Variants in ZNF557 observed in about 807,000 individuals in gnomAD.
ZNF557 encodes CTB-25J19.9.
In ZNF557, 19 loss-of-function variants were observed where a neutral mutation model predicts 21.2. The observed-to-expected ratio is 0.90, with a 90% CI of 0.63 to 1.32. The LOEUF (loss-of-function observed/expected upper bound fraction) is 1.32, where lower values mean the gene tolerates loss of function less well. ZNF557 is among the 40% of genes most tolerant of loss of function. ZNF557 has a pLI of 0.00. For synonymous variants in ZNF557, 207 were observed against 194.8 expected (o/e 1.06, Z -0.52); for missense variants, 487 against 519.8 (o/e 0.94, Z 0.61).
At chr19:7,072,214 A>G (rs1177302334) in intron 2 of ZNF557, among the ~76,000 whole-genome samples, 1 of 151,752 alleles carries the variant, frequency 6.6e-6, no homozygotes, top group East Asian at 1.9e-4. Context: ...GCCTGAGGTC[A>G]GGAGTTCGAG....
At position 7,083,827 on chromosome 19, in the gene ZNF557, CCTG is replaced by C. The variant is rs1361354367; in HGVS notation, c.*86_*88del. ...AAACTCTAACAAGATGTATGAATCA[CCTG>C]CTACTGTGTAACAAATTACCCCCCA... On this transcript the variant is annotated 3_prime_UTR_variant, in exon 8 of 8. Transcript: ENST00000252840. 14 of 1,484,216 alleles carry C rather than the reference CCTG, an allele frequency of 9.4e-6. No homozygotes were observed. The highest frequency in any genetic ancestry group is 1.3e-5 in the Non-Finnish European group (14 of 1,105,156). 91.9% of individuals were successfully genotyped at this position (1,484,216 alleles called of 1,614,324 possible).
chr19:7,082,642 C>T (rs1977736404), intron 7 of ZNF557, among the ~76,000 whole-genome samples: 2 of 152,038 alleles, frequency 1.3e-5, no homozygotes, highest in African/African-American at 4.8e-5. Flanking sequence ...AGAAATTAGC[C>T]TTAAATTTAT....
In ZNF557 at chr19:7,076,450, C is replaced by T; in HGVS notation, c.190C>T (p.Gln64Ter). The T allele has an allele frequency of 6.2e-7, 1 of 1,614,170 alleles. No homozygotes were observed. The highest frequency in any genetic ancestry group is 8.5e-7 in the Non-Finnish European group (1 of 1,180,034). Residue 64 changes from glutamine to a stop codon, truncating the protein, a stop_gained, in exon 5 of 8, where the codon CAA becomes TAA. Coordinates refer to ENST00000252840, the MANE Select transcript of ZNF557 (RefSeq NM_024341.3). LOFTEE classifies it high-confidence loss of function. ...QEEWALLDPA[Q>*]RTLYRDVMLE... ...GGAGTGGGCATTGCTGGACCCTGCC[C>T]AAAGGACACTGTACAGGGACGTGAT... is the stretch of plus-strand genomic sequence containing the variant.
At position 7,083,641 on chromosome 19, in the gene ZNF557, C is replaced by G. The variant is rs756463456; in HGVS notation, c.1190C>G (p.Thr397Ser). The G allele has an allele frequency of 2.5e-6, 4 of 1,613,972 alleles. No homozygotes were observed. The highest frequency in any genetic ancestry group is 3.4e-6 in the Non-Finnish European group (4 of 1,179,918). Residue 397 changes from threonine to serine, a missense_variant, in exon 8 of 8, where the codon ACT (threonine) becomes AGT (serine). Transcript: ENST00000252840. ...VLSSVKKHMR[T>S]HTGKKPYECN... The stretch of plus-strand genomic sequence containing the variant: ...TCATCCGTTAAGAAACACATGAGAA[C>G]TCACACTGGAAAAAAACCCTATGAA...
At chr19:7,081,607 C>T (rs1977707941) in intron 6 of ZNF557, 152 bp downstream of exon 6, 4 of 613,528 alleles carry the variant, frequency 6.5e-6, no homozygotes, top group Non-Finnish European at 8.6e-6. Flanking sequence ...GGTCTGAGCC[C>T]CCTCATGTAC....
Position 7,075,062 on chromosome 19 carries a change from T to G in ZNF557, c.-13T>G. 1 of 1,614,002 alleles carries G rather than the reference T, an allele frequency of 6.2e-7. No homozygotes were observed. ...CTGCTTCCCGGCTGCCCTGTTGCTGTCGGAGTCACAGGATGGCGGCTGTCG... is the reference window on the plus strand; with the variant it reads ...CTGCTTCCCGGCTGCCCTGTTGCTGGCGGAGTCACAGGATGGCGGCTGTCG... On this transcript the variant is annotated 5_prime_UTR_variant, in exon 3 of 8. Transcript: ENST00000252840.
At position 7,083,132 on chromosome 19, in the gene ZNF557, G is replaced by A. The variant is rs370543457; in HGVS notation, c.681G>A (p.Lys227=). The change falls in exon 8 of 8, where the codon AAG becomes AAA. Residue 227 remains lysine (K), a synonymous_variant. Transcript: ENST00000252840. ...GCAGATCTTACCTTACTGTTCATAA[G>A]AGAATCCACAATGGGGAGAAACCCT... is the stretch of plus-strand genomic sequence containing the variant. ...FSSRSYLTVH[K]RIHNGEKPYE... 5.7e-5 allele frequency: 92 copies of A among 1,614,186 alleles called. No individual in the cohort carries two copies. In the African/African-American group the frequency reaches 9.3e-4, roughly 16 times the overall value.
chr19:7,070,674 G>A (rs914972567), intron 2 of ZNF557, 21 bp downstream of exon 2: 1 of 152,064 alleles, frequency 6.6e-6, no homozygotes, highest in African/African-American at 2.4e-5. Context: ...TGTAGAACCT[G>A]CAAGTTGCAA....
At chr19:7,078,929 G>A (rs1041006139) in intron 5 of ZNF557, among the ~76,000 whole-genome samples, 1 of 151,894 alleles carries the variant, frequency 6.6e-6, no homozygotes, top group African/African-American at 2.4e-5. Context: ...TGTGTCTTCT[G>A]CCTGATCAAG....
intron 5 of ZNF557, among the ~76,000 whole-genome samples, chr19:7,081,150 GGTGTGTGT>G (rs531191945): frequency 0.19 from 26,170 of 138,718 alleles, 2,435 homozygotes; most frequent in Admixed American, 0.28. Flanking sequence ...TTGCTTGTGG[GGTGTGTGT>G]GTGTGTGTGT....
rs570359638 is a variant in ZNF557, at chr19:7,076,895, G to A, written c.247+388G>A. ...CCTGAGTAGCTGGGACCACAGGTGC[G>A]GACCACCACGCCCAGCTAATTTGTT... On this transcript the variant is annotated intron_variant, in intron 5 of 7. Transcript: ENST00000252840. Among the ~76,000 whole-genome samples, 11 of 151,154 alleles carry A rather than the reference G, an allele frequency of 7.3e-5. No individual in the cohort carries two copies. The South Asian group carries it at 1.3e-3, about 17-fold the overall frequency.
At chr19:7,077,429 C>G (rs1043862731) in intron 5 of ZNF557, among the ~76,000 whole-genome samples, 1 of 152,164 alleles carries the variant, frequency 6.6e-6, no homozygotes, top group African/African-American at 2.4e-5. Context: ...AGCCACCACG[C>G]CTGGCCGATG....
Position 7,086,034 on chromosome 19 carries a change from A to G in ZNF557, c.*2290A>G, listed in dbSNP as rs1977832916. On this transcript the variant is annotated 3_prime_UTR_variant, in exon 8 of 8. Transcript: ENST00000252840. ...CACCGGAGGTAAGGAGCTTGAGACC[A>G]GCCTGGCCAACATGGTGAAACCCCG... 6.6e-6 allele frequency: 1 copy of G among 151,786 alleles called. No homozygotes were observed. Among genetic ancestry groups the G allele is most frequent in the Non-Finnish European group, 1.5e-5 (1 of 67,860 alleles). 9.4% of individuals were successfully genotyped at this position (151,786 alleles called of 1,614,324 possible).
At chr19:7,075,245 G>C in intron 3 of ZNF557, 140 bp downstream of exon 3, 1 of 1,219,502 alleles carries the variant, frequency 8.2e-7, no homozygotes, top group South Asian at 1.3e-5. Flanking sequence ...GTGTCTGATC[G>C]GGCGGCTCTT....
Position 7,083,566 on chromosome 19 carries a change from G to C in ZNF557, c.1115G>C (p.Gly372Ala), listed in dbSNP as rs767914610. Reference protein sequence around the residue: ...SLTIHRRIHNGEKSYECSDCG... With the variant: ...SLTIHRRIHNAEKSYECSDCG... ...ACAATTCACAGGAGAATACATAATG[G>C]AGAGAAATCCTATGAGTGCAGTGAT... Residue 372 changes from glycine to alanine, a missense_variant, in exon 8 of 8, where the codon GGA (glycine) becomes GCA (alanine). Coordinates refer to ENST00000252840, the MANE Select transcript of ZNF557 (RefSeq NM_024341.3). The C allele has an allele frequency of 6.2e-7, 1 of 1,614,138 alleles. No homozygotes were observed. Among genetic ancestry groups the C allele is most frequent in the Admixed American group, 1.7e-5 (1 of 60,024 alleles).
Position 7,073,688 on chromosome 19 carries a change from G to A in ZNF557, c.-79-1308G>A, listed in dbSNP as rs570458664. Among the ~76,000 whole-genome samples, 15 of 152,134 alleles carry A rather than the reference G, an allele frequency of 9.9e-5. No homozygotes were observed. In the South Asian group the frequency reaches 2.3e-3, roughly 23 times the overall value. ...TCTCTGCTTGGCTCCAAGTACCAGC[G>A]AACAACTGGCCTGTGGGGAATGGCT... On this transcript the variant is annotated intron_variant, in intron 2 of 7. Transcript: ENST00000252840.
intron 2 of ZNF557, 133 bp downstream of exon 2, chr19:7,070,786 GAC>G (rs1977442515): frequency 7.0e-6 from 1 of 143,336 alleles, no homozygotes; most frequent in African/African-American, 2.6e-5. Context: ...TTTTTTTTGA[GAC>G]AGAGTCTCAC....
rs2145167790 is a variant in ZNF557, at chr19:7,075,718, A to T, written c.95A>T (p.Asn32Ile). Reference protein sequence around the residue: ...EGHTEGGELVNELLKSWLKGL... With the variant: ...EGHTEGGELVIELLKSWLKGL... ...CACACAGAGGGCGGAGAGCTGGTTA[A>T]TGAGCTCCTGAAAAGCTGGCTAAAG... Residue 32 changes from asparagine (N) to isoleucine (I), a missense_variant, in exon 4 of 8, where the codon AAT (asparagine) becomes ATT (isoleucine). Coordinates refer to ENST00000252840, the MANE Select transcript of ZNF557 (RefSeq NM_024341.3). The T allele has an allele frequency of 6.2e-7, 1 of 1,613,542 alleles. No homozygotes were observed. Among genetic ancestry groups the T allele is most frequent in the South Asian group, 1.1e-5 (1 of 91,082 alleles).
intron 5 of ZNF557, among the ~76,000 whole-genome samples, chr19:7,078,715 C>G (rs1400187217): frequency 6.6e-6 from 1 of 152,088 alleles, no homozygotes; most frequent in Non-Finnish European, 1.5e-5. Context: ...TAGAGCGTGA[C>G]CCATTGCACC....
Sources: allele counts gnomAD v4.1 joint callset (sites outside exome capture counted in the v4.1 genomes callset), GRCh38; gene constraint gnomAD v4.1.1; transcripts MANE v1.5; gene names NCBI Gene and HGNC (gene_info 2026-07-23, HGNC 2026-07-21).